The following PXT1 variants were observed in gnomAD, a reference collection of about 807,000 sequenced individuals.
The protein encoded by PXT1 is peroxisomal testis-specific protein 1.
Under a neutral mutation model 11.0 loss-of-function variants are expected in PXT1, and 11 were observed. The observed-to-expected ratio is 1.00, with a 90% confidence interval of 0.63 to 1.66. PXT1 has a LOEUF of 1.66. PXT1 is among the 40% of genes most tolerant of loss of function. PXT1 has a pLI of 0.00. For missense variants in PXT1, 141 were observed against 155.5 expected, an observed-to-expected ratio of 0.91 and a Z score of 0.49; for synonymous variants, 43 against 51.4, an observed-to-expected ratio of 0.84 and a Z score of 0.70.
intron 3 of PXT1, among the ~76,000 whole-genome samples, chr6:36,413,282 T>C (rs938921004): frequency 2.2e-4 from 33 of 151,980 alleles, no homozygotes; most frequent in Admixed American, 2.1e-3. Context: ...CTGGGTGTGG[T>C]GGTGGACGCC....
intron 3 of PXT1, among the ~76,000 whole-genome samples, chr6:36,422,796 T>C (rs535710380): frequency 1.3e-5 from 2 of 152,362 alleles, no homozygotes; most frequent in South Asian, 4.1e-4. Context: ...TACAATTATA[T>C]TTCCCATTTA....
At chr6:36,405,976 C>A (rs1409732703) in intron 3 of PXT1, among the ~76,000 whole-genome samples, 1 of 152,164 alleles carries the variant, frequency 6.6e-6, no homozygotes, top group East Asian at 1.9e-4. Flanking sequence ...GATGTGCACA[C>A]AATGATGAAA....
chr6:36,428,025 T>C (rs1474926453), intron 2 of PXT1, among the ~76,000 whole-genome samples: 1 of 152,208 alleles, frequency 6.6e-6, no homozygotes, highest in African/African-American at 2.4e-5. Context: ...TTTTAGTGCC[T>C]TGGGCAGCCT....
At chr6:36,393,985 A>G (rs1275554656) in intron 4 of PXT1, among the ~76,000 whole-genome samples, 1 of 152,234 alleles carries the variant, frequency 6.6e-6, no homozygotes, top group Non-Finnish European at 1.5e-5. Context: ...CAGGTGCTCA[A>G]TATAAGTTGA....
In PXT1 at chr6:36,427,301, G is replaced by A. The variant is rs138508559; in HGVS notation, c.-9-1210C>T. Among the ~76,000 whole-genome samples, 797 of 149,610 alleles carry A rather than the reference G, an allele frequency of 5.3e-3. 10 individuals carry two copies. Among genetic ancestry groups the A allele is most frequent in the African/African-American group, 0.018 (733 of 40,120 alleles). ...CAGGTGTGAGCCACCATGCCCGGCC[G>A]CATTATGACTTGTTGTCTTCCTGGG... is the stretch of plus-strand genomic sequence containing the variant. On this transcript the variant is annotated intron_variant, in intron 2 of 4. Coordinates refer to ENST00000454782, the MANE Select transcript of PXT1 (RefSeq NM_152990.4).
At chr6:36,423,749 G>A (rs2127416013) in intron 3 of PXT1, among the ~76,000 whole-genome samples, 1 of 152,262 alleles carries the variant, frequency 6.6e-6, no homozygotes, top group African/African-American at 2.4e-5. Flanking sequence ...GGCAACCCAG[G>A]TGTCCTGGGC....
intron 2 of PXT1, among the ~76,000 whole-genome samples, chr6:36,433,842 A>AG (rs1294133161): frequency 2.0e-5 from 2 of 99,648 alleles, no homozygotes; most frequent in African/African-American, 3.9e-5. Context: ...AAAAAAAAAG[A>AG]AAAGAAAAGA....
chr6:36,422,825 G>A (rs746461347), intron 3 of PXT1, among the ~76,000 whole-genome samples: 24 of 152,210 alleles, frequency 1.6e-4, no homozygotes, highest in Non-Finnish European at 2.5e-4. Context: ...ACACACACAT[G>A]CACACGCATT....
intron 3 of PXT1, among the ~76,000 whole-genome samples, chr6:36,418,900 T>C (rs1774487792): frequency 6.6e-6 from 1 of 151,882 alleles, no homozygotes; most frequent in Non-Finnish European, 1.5e-5. Context: ...GAGTAAAGAG[T>C]GGCAGGGGGG....
chr6:36,419,539 C>T (rs887707203), intron 3 of PXT1, among the ~76,000 whole-genome samples: 10 of 152,120 alleles, frequency 6.6e-5, no homozygotes, highest in Non-Finnish European at 1.5e-4. Context: ...TGAAACTTGA[C>T]ATAATGATTA....
intron 3 of PXT1, among the ~76,000 whole-genome samples, chr6:36,410,900 C>A (rs1774363345): frequency 6.6e-6 from 1 of 152,128 alleles, no homozygotes; most frequent in African/African-American, 2.4e-5. Context: ...AGCTTGGATT[C>A]AAATATAAAA....
At chr6:36,392,569 G>A (rs1353172455) in intron 4 of PXT1, among the ~76,000 whole-genome samples, 16 of 152,170 alleles carry the variant, frequency 1.1e-4, no homozygotes, top group African/African-American at 3.9e-4. Context: ...GCTGAGGTGG[G>A]AGGATCACCT....
chr6:36,435,412 TA>T (rs1774747937), intron 2 of PXT1, among the ~76,000 whole-genome samples: 1 of 151,904 alleles, frequency 6.6e-6, no homozygotes, highest in Non-Finnish European at 1.5e-5. Context: ...TTTTTTTTTT[TA>T]ATTAGCTGGA....
chr6:36,433,591 G>A (rs963692674), intron 2 of PXT1, among the ~76,000 whole-genome samples: 1 of 151,876 alleles, frequency 6.6e-6, no homozygotes, highest in Admixed American at 6.6e-5. Flanking sequence ...AGGCCGAGGC[G>A]GGTGGATCAC....
intron 3 of PXT1, among the ~76,000 whole-genome samples, chr6:36,423,788 C>G (rs1226009522): frequency 6.6e-6 from 1 of 152,160 alleles, no homozygotes; most frequent in Non-Finnish European, 1.5e-5. Flanking sequence ...GGAGACAGCA[C>G]TTTATTGGAA....
At chr6:36,420,587 G>T (rs1477425130) in intron 3 of PXT1, among the ~76,000 whole-genome samples, 1 of 152,062 alleles carries the variant, frequency 6.6e-6, no homozygotes, top group East Asian at 1.9e-4. Context: ...GCAGATGGGG[G>T]ACAAGAATGA....
intron 2 of PXT1, among the ~76,000 whole-genome samples, chr6:36,432,848 C>CCT (rs1774711562): frequency 6.6e-6 from 1 of 150,880 alleles, no homozygotes; most frequent in Non-Finnish European, 1.5e-5. Context: ...GAGAGTCAGA[C>CCT]ATATTACTGA....
intron 3 of PXT1, among the ~76,000 whole-genome samples, chr6:36,402,101 G>C (rs926862202): frequency 6.6e-6 from 1 of 152,018 alleles, no homozygotes; most frequent in Non-Finnish European, 1.5e-5. Context: ...ATAGGAATGA[G>C]CCACTATGCC....
chr6:36,419,906 G>A (rs1051020184), intron 3 of PXT1, among the ~76,000 whole-genome samples: 2 of 152,230 alleles, frequency 1.3e-5, no homozygotes, highest in Non-Finnish European at 2.9e-5. Flanking sequence ...TCAAGAGTGG[G>A]AGGGAGAAGA....
Sources: gnomAD v4.1 joint callset for allele counts (sites outside exome capture counted in the v4.1 genomes callset) on GRCh38, gnomAD v4.1.1 for gene constraint, MANE v1.5 for transcripts, NCBI Gene and HGNC (gene_info 2026-07-23, HGNC 2026-07-21) for gene names.